The following KLHL32 variants were observed in gnomAD, a reference collection of about 807,000 sequenced individuals.
The protein encoded by KLHL32 is kelch like family member 32.
A neutral mutation model predicts 64.8 loss-of-function variants in KLHL32; 35 were observed. The ratio of observed to expected loss-of-function variants is 0.54; its 90% CI spans 0.41 to 0.72. KLHL32 has a LOEUF of 0.72. Among genes scored for constraint, KLHL32 ranks in the 30% least tolerant of loss-of-function variants. KLHL32 has a pLI of 0.00. For missense variants in KLHL32, 589 were observed against 768.5 expected, an observed-to-expected ratio of 0.77 and a Z score of 2.76; for synonymous variants, 259 against 281.0, an observed-to-expected ratio of 0.92 and a Z score of 0.78.
the KLHL32 span, among the ~76,000 whole-genome samples, chr6:96,913,412 C>G: frequency 6.6e-6 from 1 of 152,272 alleles, no homozygotes; most frequent in East Asian, 1.9e-4. Context: ...TGGATACATA[C>G]CCAGTGGTTT....
chr6:97,064,013 G>T (rs955593450), intron 4 of KLHL32, among the ~76,000 whole-genome samples: 1 of 152,170 alleles, frequency 6.6e-6, no homozygotes, highest in Non-Finnish European at 1.5e-5. Flanking sequence ...ACCTCTATGT[G>T]ATGTCTTTGT....
At chr6:96,991,010 C>G (rs1262714590) in intron 3 of KLHL32, among the ~76,000 whole-genome samples, 1 of 151,850 alleles carries the variant, frequency 6.6e-6, no homozygotes, top group Non-Finnish European at 1.5e-5. Flanking sequence ...AATGTTTAAT[C>G]GGGGCTTGTG....
intron 6 of KLHL32, among the ~76,000 whole-genome samples, chr6:97,113,260 A>G (rs941369319): frequency 3.3e-5 from 5 of 152,242 alleles, no homozygotes; most frequent in African/African-American, 1.2e-4. Context: ...TTTTCTTTCT[A>G]AATCATTCTG....
chr6:96,956,852 T>C (rs888987086), intron 1 of KLHL32, among the ~76,000 whole-genome samples: 2 of 152,228 alleles, frequency 1.3e-5, no homozygotes, highest in African/African-American at 4.8e-5. Flanking sequence ...CTAATGTTTC[T>C]TGCAGATGTA....
intron 3 of KLHL32, among the ~76,000 whole-genome samples, chr6:97,003,883 G>A (rs1261546944): frequency 3.3e-5 from 5 of 152,134 alleles, no homozygotes; most frequent in Non-Finnish European, 4.4e-5. Flanking sequence ...TGCTGTTTTG[G>A]TTACTGTAGT....
chr6:96,976,482 T>G (rs1775706581), intron 3 of KLHL32, among the ~76,000 whole-genome samples: 1 of 152,026 alleles, frequency 6.6e-6, no homozygotes, highest in Admixed American at 6.6e-5. Context: ...CAGACTGGAG[T>G]GAGAGGATGC....
intron 1 of KLHL32, among the ~76,000 whole-genome samples, chr6:96,952,926 A>AC (rs767522895): frequency 4.7e-4 from 72 of 152,118 alleles, no homozygotes; most frequent in Non-Finnish European, 8.1e-4. Flanking sequence ...CCCAGCACAT[A>AC]AGGATTGTTT....
intron 3 of KLHL32, among the ~76,000 whole-genome samples, chr6:97,008,103 A>G (rs1040831139): frequency 6.6e-6 from 1 of 152,084 alleles, no homozygotes; most frequent in Non-Finnish European, 1.5e-5. Context: ...GGGTCAGGGC[A>G]CTGTGGTAAC....
At chr6:96,920,454 G>A (rs78043902), upstream of KLHL32, among the ~76,000 whole-genome samples, 995 of 152,170 alleles carry the variant, frequency 6.5e-3, 5 homozygotes, top group Non-Finnish European at 8.5e-3. Flanking sequence ...ACACAGCATC[G>A]ATGGTACTGA....
intron 4 of KLHL32, among the ~76,000 whole-genome samples, chr6:97,044,649 G>C (rs1785647807): frequency 6.6e-6 from 1 of 151,906 alleles, no homozygotes; most frequent in Non-Finnish European, 1.5e-5. Context: ...TTTCTTTAAT[G>C]GGAGATATTT....
At chr6:97,123,045 G>A (rs550164429) in intron 7 of KLHL32, among the ~76,000 whole-genome samples, 73 of 152,240 alleles carry the variant, frequency 4.8e-4, no homozygotes, top group Non-Finnish European at 7.5e-4. Context: ...CTGGTAGTGC[G>A]TTAGCACTGC....
intron 3 of KLHL32, among the ~76,000 whole-genome samples, chr6:97,018,425 TAA>T (rs59522299): frequency 1.1e-4 from 15 of 135,232 alleles, no homozygotes; most frequent in Admixed American, 2.2e-4. Flanking sequence ...TGTCTCTACT[TAA>T]AAAAAAAAAA....
chr6:96,987,704 A>G (rs1365466628), intron 3 of KLHL32, among the ~76,000 whole-genome samples: 2 of 152,226 alleles, frequency 1.3e-5, no homozygotes, highest in African/African-American at 2.4e-5. Context: ...TTCAAACTAT[A>G]CTGCAAGGCT....
At chr6:97,078,825 A>G (rs1397381877) in intron 5 of KLHL32, among the ~76,000 whole-genome samples, 1 of 152,254 alleles carries the variant, frequency 6.6e-6, no homozygotes, top group Non-Finnish European at 1.5e-5. Context: ...ACAAACAGAT[A>G]TCATATAATT....
At chr6:97,047,832 C>T (rs1192392145) in intron 4 of KLHL32, among the ~76,000 whole-genome samples, 4 of 152,106 alleles carry the variant, frequency 2.6e-5, no homozygotes, top group Non-Finnish European at 5.9e-5. Flanking sequence ...ACATCAAGAC[C>T]CTTTTATAAA....
intron 3 of KLHL32, among the ~76,000 whole-genome samples, chr6:97,010,566 A>C (rs745550611): frequency 6.6e-6 from 1 of 152,232 alleles, no homozygotes; most frequent in Admixed American, 6.5e-5. Flanking sequence ...TGAAGAATTT[A>C]TCCCTCATGT....
intron 3 of KLHL32, among the ~76,000 whole-genome samples, chr6:96,985,635 C>G (rs1210161583): frequency 6.6e-6 from 1 of 152,212 alleles, no homozygotes; most frequent in Non-Finnish European, 1.5e-5. Context: ...TCTTCCATCA[C>G]TGATACCCTT....
intron 3 of KLHL32, among the ~76,000 whole-genome samples, chr6:96,992,684 T>C (rs1040437487): frequency 6.6e-6 from 1 of 152,252 alleles, no homozygotes; most frequent in African/African-American, 2.4e-5. Flanking sequence ...GTTTCTCAAC[T>C]CTTCCACCAC....
intron 4 of KLHL32, among the ~76,000 whole-genome samples, chr6:97,058,549 T>A (rs1788377327): frequency 6.6e-6 from 1 of 152,252 alleles, no homozygotes; most frequent in Non-Finnish European, 1.5e-5. Flanking sequence ...CTATGGTGCA[T>A]CTAGCCATAA....
Sources: allele counts gnomAD v4.1 joint callset (sites outside exome capture counted in the v4.1 genomes callset), GRCh38; gene constraint gnomAD v4.1.1; transcripts MANE v1.5; gene names NCBI Gene and HGNC (gene_info 2026-07-23, HGNC 2026-07-21).